Variants in UBTD1 observed in about 807,000 individuals in gnomAD.
UBTD1 encodes the protein ubiquitin domain-containing protein 1.
A neutral mutation model predicts 21.7 loss-of-function variants in UBTD1; 19 were observed. The ratio of observed to expected loss-of-function variants is 0.87; its 90% CI spans 0.61 to 1.28. The LOEUF is 1.28. Ranked by LOEUF, UBTD1 falls within the 50% of genes most tolerant of loss-of-function variation. The pLI, the probability that UBTD1 is intolerant of heterozygous loss-of-function variation, is 0.00. For missense variants in UBTD1, 282 were observed against 315.1 expected, an observed-to-expected ratio of 0.89 and a Z score of 0.80; for synonymous variants, 116 against 135.1, an observed-to-expected ratio of 0.86 and a Z score of 0.98.
At chr10:97,524,653 G>A (rs1263207065) in intron 1 of UBTD1, among the ~76,000 whole-genome samples, 1 of 152,212 alleles carries the variant, frequency 6.6e-6, no homozygotes, top group Non-Finnish European at 1.5e-5. Context: ...CTTAAAGAAT[G>A]AGGAGTTTGT....
intron 1 of UBTD1, among the ~76,000 whole-genome samples, chr10:97,553,963 T>G (rs2040652340): frequency 6.6e-6 from 1 of 152,182 alleles, no homozygotes; most frequent in African/African-American, 2.4e-5. Context: ...GCTGCTGTTG[T>G]GTAGCGGGGA....
intron 1 of UBTD1, among the ~76,000 whole-genome samples, chr10:97,503,663 G>A (rs2040386921): frequency 6.6e-6 from 1 of 152,128 alleles, no homozygotes; most frequent in African/African-American, 2.4e-5. Context: ...CTATTCTTGA[G>A]GGAGTAATTG....
chr10:97,551,113 G>T (rs1355650321), intron 1 of UBTD1, among the ~76,000 whole-genome samples: 1 of 152,214 alleles, frequency 6.6e-6, no homozygotes, highest in Non-Finnish European at 1.5e-5. Flanking sequence ...GGTTCCATGG[G>T]TGTGAGGTAG....
intron 1 of UBTD1, among the ~76,000 whole-genome samples, chr10:97,522,974 G>T (rs2040472597): frequency 6.6e-6 from 1 of 152,156 alleles, no homozygotes. Flanking sequence ...TTCCTCTTCT[G>T]TTGAGGCATC....
chr10:97,540,751 GAGCTGGGTATCTAGACGTC>G (rs1259023254), intron 1 of UBTD1, among the ~76,000 whole-genome samples: 1 of 152,210 alleles, frequency 6.6e-6, no homozygotes, highest in Non-Finnish European at 1.5e-5. Flanking sequence ...TCCAGGCTAG[GAGCTGGGTATCTAGACGTC>G]AGCATGAAGG....
At chr10:97,525,366 G>A (rs1026042416) in intron 1 of UBTD1, among the ~76,000 whole-genome samples, 5 of 152,248 alleles carry the variant, frequency 3.3e-5, no homozygotes, top group Admixed American at 6.5e-5. Context: ...GGGTGGACTG[G>A]AAAATGGAAT....
At chr10:97,564,988 C>T (rs1435091610) in intron 1 of UBTD1, among the ~76,000 whole-genome samples, 4 of 152,186 alleles carry the variant, frequency 2.6e-5, no homozygotes, top group Non-Finnish European at 5.9e-5. Context: ...AGTCCCCGCC[C>T]CTTCAAGTTG....
At chr10:97,510,604 C>T (rs1280611769) in intron 1 of UBTD1, among the ~76,000 whole-genome samples, 1 of 152,118 alleles carries the variant, frequency 6.6e-6, no homozygotes, top group Non-Finnish European at 1.5e-5. Context: ...TTACTATTCT[C>T]GCCATGCTTG....
intron 1 of UBTD1, among the ~76,000 whole-genome samples, chr10:97,517,338 G>A (rs2040448778): frequency 6.6e-6 from 1 of 152,138 alleles, no homozygotes; most frequent in African/African-American, 2.4e-5. Context: ...TGAGGGTGGA[G>A]AGATCTGGGG....
intron 1 of UBTD1, among the ~76,000 whole-genome samples, chr10:97,532,530 G>A (rs951002283): frequency 2.0e-5 from 3 of 152,174 alleles, no homozygotes; most frequent in Non-Finnish European, 2.9e-5. Flanking sequence ...GGTGGCTCAC[G>A]CCTGTAATCC....
chr10:97,517,515 T>G (rs2040449655), intron 1 of UBTD1, among the ~76,000 whole-genome samples: 1 of 152,028 alleles, frequency 6.6e-6, no homozygotes, highest in African/African-American at 2.4e-5. Context: ...TGCCGAGGTG[T>G]GGGGAAGGGC....
chr10:97,527,942 C>T (rs1258490225), intron 1 of UBTD1, among the ~76,000 whole-genome samples: 2 of 152,156 alleles, frequency 1.3e-5, no homozygotes, highest in Non-Finnish European at 2.9e-5. Flanking sequence ...CATCATGGCC[C>T]GTTCTCAATG....
At chr10:97,527,128 C>G (rs535839713) in intron 1 of UBTD1, among the ~76,000 whole-genome samples, 2 of 146,802 alleles carry the variant, frequency 1.4e-5, no homozygotes, top group Non-Finnish European at 3.0e-5. Context: ...CAAGATCGTG[C>G]CACTGCACTC....
intron 1 of UBTD1, among the ~76,000 whole-genome samples, chr10:97,556,640 G>A (rs540657989): frequency 9.2e-5 from 14 of 152,278 alleles, no homozygotes; most frequent in East Asian, 7.7e-4. Context: ...CGTTTTTCGC[G>A]GGAAGCATAG....
At chr10:97,504,349 A>G (rs1306137022) in intron 1 of UBTD1, among the ~76,000 whole-genome samples, 1 of 152,038 alleles carries the variant, frequency 6.6e-6, no homozygotes, top group Non-Finnish European at 1.5e-5. Flanking sequence ...CTCATTCAAG[A>G]CTTCTTGTGT....
At chr10:97,545,074 C>T (rs1031420951) in intron 1 of UBTD1, among the ~76,000 whole-genome samples, 1 of 151,894 alleles carries the variant, frequency 6.6e-6, no homozygotes, top group Middle Eastern at 3.4e-3. Flanking sequence ...GTGGCTCACA[C>T]CTGTAATTCT....
intron 1 of UBTD1, among the ~76,000 whole-genome samples, chr10:97,563,321 G>A (rs1274735313): frequency 1.3e-5 from 2 of 152,126 alleles, no homozygotes; most frequent in African/African-American, 4.8e-5. Context: ...ATTGATTTGG[G>A]TAAAAACACT....
Position 97,570,806 on chromosome 10 carries a change from A to G in UBTD1, c.*283A>G, listed in dbSNP as rs41296125. The G allele has an allele frequency of 2.1e-3, 872 of 418,488 alleles. 1 individual carries two copies. The highest frequency in any genetic ancestry group is 3.3e-3 in the Non-Finnish European group (754 of 229,664). The allele number at this position is 418,488 out of a possible 1,614,324, so 25.9% of individuals were successfully genotyped here. A position where few individuals can be genotyped will look rare whatever the true frequency, so the allele number is the denominator to read the frequency against. On this transcript the variant is annotated 3_prime_UTR_variant, in exon 3 of 3. Transcript: ENST00000370664. The surrounding 1 kb of genome is among the most constrained non-coding windows in gnomAD (Gnocchi z 6.6). ...CAGGTTCGAGCCACAAGGGCCAACC[A>G]GGAGGCCCCTGGAGCCCAGATCTGT... is the stretch of plus-strand genomic sequence containing the variant.
intron 1 of UBTD1, among the ~76,000 whole-genome samples, chr10:97,565,184 T>C (rs945853288): frequency 4.6e-5 from 7 of 152,214 alleles, no homozygotes; most frequent in African/African-American, 1.4e-4. Flanking sequence ...TCAAATATTT[T>C]ACGGGGTTTG....
Sources: allele counts gnomAD v4.1 joint callset (sites outside exome capture counted in the v4.1 genomes callset), GRCh38; gene constraint gnomAD v4.1.1; non-coding constraint Gnocchi (gnomAD v3.1); transcripts MANE v1.5; gene names NCBI Gene and HGNC (gene_info 2026-07-23, HGNC 2026-07-21).